The following MYO3B variants were observed in gnomAD, a reference collection of about 807,000 sequenced individuals.
The protein encoded by MYO3B is myosin IIIB, also known as myosin-IIIb.
A neutral mutation model predicts 174.6 loss-of-function variants in MYO3B; 156 were observed. The observed-to-expected ratio is 0.89, with a 90% CI of 0.78 to 1.02. The LOEUF (loss-of-function observed/expected upper bound fraction) is 1.02, where lower values mean the gene tolerates loss of function less well. Ranked by LOEUF, MYO3B falls within the 50% of genes least tolerant of loss-of-function variation. The probability of loss-of-function intolerance (pLI) is 0.00; values close to 1 mark genes in which losing one functional copy is unlikely to be tolerated. For missense variants in MYO3B, 1,632 were observed against 1,639.4 expected, an observed-to-expected ratio of 1.00 and a Z score of 0.08; for synonymous variants, 563 against 569.1, an observed-to-expected ratio of 0.99 and a Z score of 0.15.
At chr2:170,567,861 A>G (rs1427701898) in intron 32 of MYO3B, among the ~76,000 whole-genome samples, 1 of 152,228 alleles carries the variant, frequency 6.6e-6, no homozygotes, top group African/African-American at 2.4e-5. Context: ...GCACATTTTT[A>G]TGTGCTTTTA....
Position 170,407,735 on chromosome 2 carries a change from G to T in MYO3B, c.2541G>T (p.Gly847=). 3.7e-6 allele frequency: 6 copies of T among 1,613,986 alleles called. No homozygotes were observed. The highest frequency in any genetic ancestry group is 5.1e-6 in the Non-Finnish European group (6 of 1,179,936). The part of the protein sequence containing the change: ...YAGKVLYDAS[G]VLEKNRDTLP... ...TACAGGTATTATATGATGCTTCTGG[G>T]GTTCTTGAGAAAAATAGAGACACTC... is the stretch of plus-strand genomic sequence containing the variant. Residue 847 remains glycine (G), a synonymous_variant, in exon 22 of 35, where the codon GGG becomes GGT. Coordinates refer to ENST00000408978, the MANE Select transcript of MYO3B (RefSeq NM_138995.5).
At chr2:170,255,963 G>A (rs1451239935) in intron 7 of MYO3B, among the ~76,000 whole-genome samples, 2 of 152,166 alleles carry the variant, frequency 1.3e-5, no homozygotes, top group African/African-American at 2.4e-5. Context: ...TGAACTTCTG[G>A]AATTGAAAAA....
At chr2:170,295,220 A>T (rs1039170061) in intron 7 of MYO3B, among the ~76,000 whole-genome samples, 6 of 151,996 alleles carry the variant, frequency 3.9e-5, no homozygotes, top group African/African-American at 1.4e-4. Flanking sequence ...AAAAAAAATT[A>T]TCCTGAGACT....
chr2:170,636,374 T>TGAAAA (rs1280662050), intron 32 of MYO3B, among the ~76,000 whole-genome samples: 1 of 151,588 alleles, frequency 6.6e-6, no homozygotes, highest in African/African-American at 2.4e-5. Context: ...GTTATGTTAT[T>TGAAAA]GAAAAGAAAA....
rs570684943 is a variant in MYO3B at position 170,617,395 on chromosome 2, A to G, written c.3734-34233A>G. ...TACAAGTATACAAGTAACAATTAACACAGGTAATTATGTTGGTTTTTGAAC... is the reference window on the plus strand; with the variant it reads ...TACAAGTATACAAGTAACAATTAACGCAGGTAATTATGTTGGTTTTTGAAC... On this transcript the variant is annotated intron_variant, in intron 32 of 34. Transcript: ENST00000408978. Among the ~76,000 whole-genome samples, 5 of 152,344 alleles carry G rather than the reference A, an allele frequency of 3.3e-5. No homozygotes were observed. In the East Asian group the frequency reaches 9.6e-4, roughly 29 times the overall value.
intron 32 of MYO3B, among the ~76,000 whole-genome samples, chr2:170,547,292 T>C (rs1575146609): frequency 6.6e-6 from 1 of 150,822 alleles, no homozygotes; most frequent in African/African-American, 2.4e-5. Flanking sequence ...ATCGCGCCAC[T>C]GTACTCCAGC....
At chr2:170,246,453 A>G (rs2093190468) in intron 7 of MYO3B, among the ~76,000 whole-genome samples, 1 of 151,880 alleles carries the variant, frequency 6.6e-6, no homozygotes, top group Admixed American at 6.6e-5. Flanking sequence ...ACTTAAGATG[A>G]GGTTATACTG....
chr2:170,371,883 A>C (rs931137910), intron 9 of MYO3B, among the ~76,000 whole-genome samples: 43 of 151,896 alleles, frequency 2.8e-4, no homozygotes, highest in Admixed American at 2.7e-3. Context: ...TAGGAGGATC[A>C]CTTGAGCCCA....
chr2:170,528,453 C>A (rs138737480), intron 30 of MYO3B, among the ~76,000 whole-genome samples: 1 of 152,142 alleles, frequency 6.6e-6, no homozygotes, highest in Non-Finnish European at 1.5e-5. Context: ...ATCGCCAGAC[C>A]GGAGTGCAGT....
At chr2:170,515,144 C>A in intron 29 of MYO3B, 122 bp downstream of exon 29, 1 of 772,296 alleles carries the variant, frequency 1.3e-6, no homozygotes, top group Non-Finnish European at 2.0e-6. Flanking sequence ...CTTCTTTTTT[C>A]TATAGGTGAC....
At chr2:170,633,831 CAGAG>C (rs1384621178) in intron 32 of MYO3B, among the ~76,000 whole-genome samples, 2 of 152,280 alleles carry the variant, frequency 1.3e-5, no homozygotes, top group African/African-American at 2.4e-5. Context: ...AACAGACAAA[CAGAG>C]AGCCAAATCA....
rs1329482494 is a variant in MYO3B, at chr2:170,654,849, T to A, written c.*1728T>A. The A allele has an allele frequency of 6.6e-6, 1 of 152,022 alleles. No homozygotes were observed. Among genetic ancestry groups the A allele is most frequent in the African/African-American group, 2.4e-5 (1 of 41,426 alleles). The allele number at this position is 152,022 out of a possible 1,614,324, so 9.4% of individuals were successfully genotyped here. A position where few individuals can be genotyped will look rare whatever the true frequency, so the allele number is the denominator to read the frequency against. ...TTACAAGTAAAATAAATATAGCCAA[T>A]TTTTCAATAGCTGAACTTCACCCAA... On this transcript the variant is annotated 3_prime_UTR_variant, in exon 35 of 35. Transcript: ENST00000408978.
chr2:170,277,330 G>A (rs907971067), intron 7 of MYO3B, among the ~76,000 whole-genome samples: 2 of 152,208 alleles, frequency 1.3e-5, no homozygotes, highest in Non-Finnish European at 2.9e-5. Context: ...AAAACGTCAT[G>A]GTGTTTTTCA....
chr2:170,618,389 A>G, intron 32 of MYO3B, among the ~76,000 whole-genome samples: 1 of 152,166 alleles, frequency 6.6e-6, no homozygotes, highest in East Asian at 1.9e-4. Context: ...ATCGCTGGAG[A>G]CAAGTTGTTC....
At chr2:170,296,907 A>G (rs1023554008) in intron 7 of MYO3B, among the ~76,000 whole-genome samples, 14 of 152,174 alleles carry the variant, frequency 9.2e-5, no homozygotes, top group Non-Finnish European at 1.8e-4. Flanking sequence ...ACCACATGTC[A>G]TTAGAACTTA....
intron 9 of MYO3B, among the ~76,000 whole-genome samples, chr2:170,375,963 G>C (rs948755862): frequency 6.6e-6 from 1 of 152,122 alleles, no homozygotes; most frequent in African/African-American, 2.4e-5. Context: ...GAGTAAGTTA[G>C]TTAATATTAA....
chr2:170,406,333 G>T lies in MYO3B; in HGVS notation c.2520+700G>T, dbSNP rs891976131. ...TAGGAGTTCAATAAAAGACATTTTT[G>T]ATTATTTTATTAATTTCAGATGTAT... On this transcript the variant is annotated intron_variant, in intron 21 of 34. Transcript: ENST00000408978. 3.3e-5 allele frequency among the ~76,000 whole-genome samples: 5 copies of T among 152,052 alleles called. No homozygotes were observed. The South Asian group carries it at 8.3e-4, about 25-fold the overall frequency.
At chr2:170,489,526 A>G (rs1258934745) in intron 25 of MYO3B, among the ~76,000 whole-genome samples, 1 of 152,184 alleles carries the variant, frequency 6.6e-6, no homozygotes, top group Non-Finnish European at 1.5e-5. Context: ...CACAGAACTT[A>G]TCTCTACCTT....
At chr2:170,438,030 AT>A in intron 22 of MYO3B, among the ~76,000 whole-genome samples, 1 of 152,178 alleles carries the variant, frequency 6.6e-6, no homozygotes, top group African/African-American at 2.4e-5. Flanking sequence ...GATCTCTAGA[AT>A]TTTTTCATAT....
Sources: allele counts gnomAD v4.1 joint callset (sites outside exome capture counted in the v4.1 genomes callset), GRCh38; gene constraint gnomAD v4.1.1; transcripts MANE v1.5; gene names NCBI Gene and HGNC (gene_info 2026-07-23, HGNC 2026-07-21).